GRIN2B: variants seen among roughly 807,000 people sequenced by gnomAD.
The protein encoded by GRIN2B is glutamate ionotropic receptor NMDA type subunit 2B.
In GRIN2B, 5 loss-of-function variants were observed where a neutral mutation model predicts 114.5. That is an observed-to-expected ratio of 0.04 (90% CI 0.02 to 0.09). The LOEUF (loss-of-function observed/expected upper bound fraction) is 0.09, where lower values mean the gene tolerates loss of function less well. GRIN2B is among the 10% of genes least tolerant of loss of function. The pLI, the probability that GRIN2B is intolerant of heterozygous loss-of-function variation, is 1.00. For synonymous variants in GRIN2B, 787 were observed against 745.1 expected, an observed-to-expected ratio of 1.06 and a Z score of -0.92; for missense variants, 1,108 against 1,943.5, an observed-to-expected ratio of 0.57 and a Z score of 8.08.
chr12:13,554,705 G>A lies in GRIN2B; in HGVS notation c.*8078C>T, dbSNP rs958401979. ...AAATATTGGAACAATGCTAAAAGAC[G>A]CTGAAATAATCCAGACTAGAAGGAA... On this transcript the variant is annotated 3_prime_UTR_variant, in exon 14 of 14. Coordinates refer to ENST00000609686, the MANE Select transcript of GRIN2B (RefSeq NM_000834.5). 7 of 152,106 alleles carry A rather than the reference G, an allele frequency of 4.6e-5. No individual in the cohort carries two copies. Among genetic ancestry groups the A allele is most frequent in the Admixed American group, 6.5e-5 (1 of 15,270 alleles). The allele number at this position is 152,106 out of a possible 1,614,324, so 9.4% of individuals were successfully genotyped here. A position where few individuals can be genotyped will look rare whatever the true frequency, so the allele number is the denominator to read the frequency against.
chr12:13,859,727 C>T (rs186551413), intron 3 of GRIN2B, among the ~76,000 whole-genome samples: 28 of 152,264 alleles, frequency 1.8e-4, no homozygotes, highest in East Asian at 3.9e-4. Context: ...CATACATAAA[C>T]GCTCTCTGAT....
chr12:13,641,707 C>G (rs960636724), intron 5 of GRIN2B, among the ~76,000 whole-genome samples: 1 of 152,078 alleles, frequency 6.6e-6, no homozygotes, highest in African/African-American at 2.4e-5. Flanking sequence ...CCCTGTGCAG[C>G]ACCATTTTTA....
At chr12:13,798,343 G>T (rs1305662813) in intron 3 of GRIN2B, among the ~76,000 whole-genome samples, 1 of 151,578 alleles carries the variant, frequency 6.6e-6, no homozygotes, top group Non-Finnish European at 1.5e-5. Context: ...AGCCCCTAGG[G>T]ATTCAATTAT....
At chr12:13,690,332 C>T (rs1388909037) in intron 4 of GRIN2B, among the ~76,000 whole-genome samples, 1 of 144,012 alleles carries the variant, frequency 6.9e-6, no homozygotes, top group Non-Finnish European at 1.5e-5. Flanking sequence ...CACGCACAAT[C>T]TATTTACAAA....
intron 3 of GRIN2B, among the ~76,000 whole-genome samples, chr12:13,782,590 A>G (rs953155802): frequency 2.6e-5 from 4 of 152,226 alleles, no homozygotes; most frequent in Middle Eastern, 3.2e-3. Flanking sequence ...TTTAAGATCA[A>G]TGATTCAACA....
At chr12:13,976,467 C>T (rs771195078) in intron 2 of GRIN2B, among the ~76,000 whole-genome samples, 3 of 152,024 alleles carry the variant, frequency 2.0e-5, no homozygotes, top group Non-Finnish European at 4.4e-5. Context: ...CTTTTGACTC[C>T]AACAAAATAC....
chr12:13,631,615 T>C (rs77460894), intron 5 of GRIN2B, among the ~76,000 whole-genome samples: 3,986 of 152,004 alleles, frequency 0.026, 172 homozygotes, highest in African/African-American at 0.091. Flanking sequence ...AGGGAGAAAA[T>C]GGGGAAACTG....
At chr12:13,752,178 AC>A (rs1863494672) in intron 4 of GRIN2B, among the ~76,000 whole-genome samples, 1 of 152,112 alleles carries the variant, frequency 6.6e-6, no homozygotes, top group Non-Finnish European at 1.5e-5. Flanking sequence ...TCCCAAGTAC[AC>A]CTTTTAATAT....
At chr12:13,762,031 T>A (rs903165843) in intron 3 of GRIN2B, among the ~76,000 whole-genome samples, 3 of 151,844 alleles carry the variant, frequency 2.0e-5, no homozygotes, top group Admixed American at 6.6e-5. Flanking sequence ...TGGAAGGGAG[T>A]CTAGCTCTGT....
intron 2 of GRIN2B, among the ~76,000 whole-genome samples, chr12:13,872,454 CAAAAAA>C (rs35373717): frequency 8.0e-6 from 1 of 124,350 alleles, no homozygotes; most frequent in Non-Finnish European, 1.7e-5. Flanking sequence ...GGCTCCGACT[CAAAAAA>C]AAAAAAAAAA....
intron 2 of GRIN2B, among the ~76,000 whole-genome samples, chr12:13,881,599 C>T (rs372018820): frequency 6.6e-6 from 1 of 152,244 alleles, no homozygotes; most frequent in African/African-American, 2.4e-5. Context: ...AAGCTCTTCG[C>T]ATGCCCTTGT....
intron 2 of GRIN2B, among the ~76,000 whole-genome samples, chr12:13,937,276 A>G (rs958212326): frequency 7.2e-5 from 11 of 152,020 alleles, no homozygotes; most frequent in African/African-American, 2.7e-4. Context: ...CCGAATGCCA[A>G]TTTGATTTTC....
At chr12:13,939,405 T>C (rs1867192651) in intron 2 of GRIN2B, among the ~76,000 whole-genome samples, 1 of 152,072 alleles carries the variant, frequency 6.6e-6, no homozygotes, top group South Asian at 2.1e-4. Flanking sequence ...TCTGGTTGTT[T>C]AAAAGAGCAT....
intron 2 of GRIN2B, among the ~76,000 whole-genome samples, chr12:13,914,381 C>T (rs1866675795): frequency 6.6e-6 from 1 of 152,164 alleles, no homozygotes; most frequent in South Asian, 2.1e-4. Flanking sequence ...TATCGTCTCA[C>T]CCCAGTTAAA....
At chr12:13,601,303 G>A (rs532693529) in intron 10 of GRIN2B, among the ~76,000 whole-genome samples, 2 of 152,180 alleles carry the variant, frequency 1.3e-5, no homozygotes, top group South Asian at 2.1e-4. Context: ...TGCCTCTTTC[G>A]GCTTCTGGTG....
chr12:13,696,077 G>A (rs1016968224), intron 4 of GRIN2B, among the ~76,000 whole-genome samples: 4 of 152,244 alleles, frequency 2.6e-5, no homozygotes, highest in African/African-American at 9.6e-5. Flanking sequence ...GGACTTCAAG[G>A]TCAAAGGTGA....
intron 3 of GRIN2B, among the ~76,000 whole-genome samples, chr12:13,757,057 A>G (rs1189747841): frequency 6.6e-6 from 1 of 152,184 alleles, no homozygotes; most frequent in African/African-American, 2.4e-5. Flanking sequence ...ACTGTCCTCC[A>G]CAATCTGATC....
chr12:13,745,637 A>T (rs778033945), intron 4 of GRIN2B, among the ~76,000 whole-genome samples: 19 of 152,172 alleles, frequency 1.2e-4, no homozygotes, highest in Non-Finnish European at 2.5e-4. Flanking sequence ...ATTCCATCCT[A>T]CCATCTATTC....
chr12:13,550,789 A>C lies in GRIN2B; in HGVS notation c.*11994T>G, dbSNP rs957863312. ...ATTGGGCTCGAGTTTGGAAACATTA[A>C]GTACCATGCACGTGTTCGAGCTCTG... On this transcript the variant is annotated 3_prime_UTR_variant, in exon 14 of 14. Coordinates refer to ENST00000609686, the MANE Select transcript of GRIN2B (RefSeq NM_000834.5). 2 of 152,192 alleles carry C rather than the reference A, an allele frequency of 1.3e-5. No individual in the cohort carries two copies. The highest frequency in any genetic ancestry group is 2.9e-5 in the Non-Finnish European group (2 of 68,034). 9.4% of individuals were successfully genotyped at this position (152,192 alleles called of 1,614,324 possible).
Sources: gnomAD v4.1 joint callset for allele counts (sites outside exome capture counted in the v4.1 genomes callset) on GRCh38, gnomAD v4.1.1 for gene constraint, MANE v1.5 for transcripts, NCBI Gene and HGNC (gene_info 2026-07-23, HGNC 2026-07-21) for gene names.